Variants in EEA1 observed in about 807,000 individuals in gnomAD.
The protein encoded by EEA1 is early endosome antigen 1.
In EEA1, 111 loss-of-function variants were observed where a neutral mutation model predicts 209.2. The ratio of observed to expected loss-of-function variants is 0.53; its 90% CI spans 0.45 to 0.62. The LOEUF (loss-of-function observed/expected upper bound fraction) is 0.62. Among genes scored for constraint, EEA1 ranks in the 20% least tolerant of loss-of-function variants. EEA1 has a pLI of 0.00. For missense variants in EEA1, 1,343 were observed against 1,530.8 expected (o/e 0.88, Z 2.05); for synonymous variants, 536 against 540.6 (o/e 0.99, Z 0.12).
At position 92,799,100 on chromosome 12, in the gene EEA1, A is replaced by G; in HGVS notation, c.2773-14T>C. 6.4e-7 allele frequency: 1 copy of G among 1,563,290 alleles called. No individual in the cohort carries two copies. The highest frequency in any genetic ancestry group is 2.1e-5 in the Admixed American group (1 of 47,396). Reference sequence around the variant, plus strand: ...CTGATGAGAAGCCTGAAAGAAAAAAAAAATCTATTTAGCCTTCATTTGTTC... The same window carrying G: ...CTGATGAGAAGCCTGAAAGAAAAAAGAAATCTATTTAGCCTTCATTTGTTC... On this transcript the variant is annotated splice_polypyrimidine_tract_variant and intron_variant, in intron 20 of 28. Transcript: ENST00000322349.
chr12:92,782,324 A>C (rs1188484732), intron 22 of EEA1, among the ~76,000 whole-genome samples, 189 bp from the exon 23 acceptor site: 1 of 152,222 alleles, frequency 6.6e-6, no homozygotes, highest in Non-Finnish European at 1.5e-5. Context: ...AAACATTTAT[A>C]ATATAAAATA....
intron 20 of EEA1, 78 bp from the exon 21 acceptor site, chr12:92,799,164 T>A: frequency 8.1e-7 from 1 of 1,227,218 alleles, no homozygotes; most frequent in East Asian, 2.7e-5. Flanking sequence ...GAAAAAAAAA[T>A]CTATTTAGCC....
chr12:92,855,839 C>CAGT (rs145341612), intron 5 of EEA1, among the ~76,000 whole-genome samples: 1 of 152,256 alleles, frequency 6.6e-6, no homozygotes, highest in East Asian at 1.9e-4. Flanking sequence ...ATCTCAAATG[C>CAGT]AGTAAACAAT....
At position 92,855,937 on chromosome 12, in the gene EEA1, T is replaced by G. The variant is rs534143024; in HGVS notation, c.366+1338A>C. 1.0e-3 allele frequency among the ~76,000 whole-genome samples: 155 copies of G among 152,266 alleles called. 1 individual carries two copies. The highest frequency in any genetic ancestry group is 3.4e-3 in the African/African-American group (142 of 41,546). On this transcript the variant is annotated intron_variant, in intron 5 of 28. Transcript: ENST00000322349. Reference sequence around the variant, plus strand: ...TCTATATAAAACATGAGTAAATGAGTTATAAGTAATTTGGATTACTAAAAA... The same window carrying G: ...TCTATATAAAACATGAGTAAATGAGGTATAAGTAATTTGGATTACTAAAAA...
At chr12:92,861,616 C>T (rs906835873) in intron 3 of EEA1, among the ~76,000 whole-genome samples, 13 of 151,924 alleles carry the variant, frequency 8.6e-5, no homozygotes, top group Admixed American at 6.6e-4. Flanking sequence ...TAGTCATCAA[C>T]CAAAGAATGA....
At chr12:92,802,224 C>G (rs906074904) in intron 19 of EEA1, among the ~76,000 whole-genome samples, 180 bp downstream of exon 19, 1 of 152,038 alleles carries the variant, frequency 6.6e-6, no homozygotes, top group African/African-American at 2.4e-5. Flanking sequence ...GGTGCATACA[C>G]ACACATTATT....
intron 10 of EEA1, among the ~76,000 whole-genome samples, chr12:92,833,920 C>T (rs750418552): frequency 1.3e-4 from 20 of 152,008 alleles, no homozygotes; most frequent in Non-Finnish European, 2.5e-4. Flanking sequence ...TCAAGGGGAG[C>T]TAGCTAGTTA....
At chr12:92,880,313 G>GT (rs925144595) in intron 2 of EEA1, among the ~76,000 whole-genome samples, 32 of 151,010 alleles carry the variant, frequency 2.1e-4, no homozygotes, top group South Asian at 6.3e-4. Flanking sequence ...CAATGTTTTT[G>GT]TTTTTTTTTG....
chr12:92,914,704 C>T (rs370495919), intron 1 of EEA1, among the ~76,000 whole-genome samples: 1 of 150,846 alleles, frequency 6.6e-6, no homozygotes, highest in East Asian at 2.0e-4. Context: ...CGCTCTGTAA[C>T]CCAGGCTGGA....
chr12:92,870,338 T>C (rs996119104), intron 2 of EEA1, among the ~76,000 whole-genome samples: 1 of 152,242 alleles, frequency 6.6e-6, no homozygotes, highest in Non-Finnish European at 1.5e-5. Context: ...CTATGTTTCC[T>C]TTGTTTTTGG....
At chr12:92,918,977 A>T (rs2136785074) in intron 1 of EEA1, among the ~76,000 whole-genome samples, 1 of 132,826 alleles carries the variant, frequency 7.5e-6, no homozygotes, top group East Asian at 2.1e-4. Context: ...CCTCTACGCA[A>T]ATAAACTAGA....
At chr12:92,858,439 G>A in intron 3 of EEA1, 2 of 1,230,206 alleles carry the variant, frequency 1.6e-6, no homozygotes, top group South Asian at 1.2e-5. Flanking sequence ...ATTTCTGAAG[G>A]TGTTCATCTT....
chr12:92,834,740 T>C (rs1472691864), intron 10 of EEA1, among the ~76,000 whole-genome samples: 1 of 152,154 alleles, frequency 6.6e-6, no homozygotes, highest in East Asian at 1.9e-4. Flanking sequence ...GATTCAACTA[T>C]GTTAGAAAAA....
At position 92,832,978 on chromosome 12, in the gene EEA1, G is replaced by A. The variant is rs112137813; in HGVS notation, c.916-128C>T. 6.2e-3 allele frequency: 4,085 copies of A among 655,914 alleles called. 124 individuals are homozygous for A. In the African/African-American group the frequency reaches 0.063, roughly 10 times the overall value. 40.6% of individuals were successfully genotyped at this position (655,914 alleles called of 1,614,324 possible). On this transcript the variant is annotated intron_variant, in intron 10 of 28. Transcript: ENST00000322349. ...AGTCAATATTAAAATATAAAACAGT[G>A]ACAATGTTCTAGTCAAGAATTAAAT...
At chr12:92,896,544 G>C (rs1176033373) in intron 1 of EEA1, among the ~76,000 whole-genome samples, 1 of 152,184 alleles carries the variant, frequency 6.6e-6, no homozygotes, top group Non-Finnish European at 1.5e-5. Flanking sequence ...ATGAAAAGAA[G>C]AGTTAATCAA....
Position 92,835,400 on chromosome 12 carries a change from CTTTTTTTTTTTT to C in EEA1, c.916-2562_916-2551del, listed in dbSNP as rs140302130. The C allele has an allele frequency of 4.0e-4, 61 of 154,398 alleles. No homozygotes were observed. The East Asian group carries it at 5.6e-3, about 14-fold the overall frequency. 9.6% of individuals were successfully genotyped at this position (154,398 alleles called of 1,614,324 possible). ...ATACACCCTTGAGATAGTTTCACTC[CTTTTTTTTTTTT>C]TTTTTTTTTTTTTTTTTGAGATGGA... On this transcript the variant is annotated intron_variant, in intron 10 of 28. Coordinates refer to ENST00000322349, the MANE Select transcript of EEA1 (RefSeq NM_003566.4).
At chr12:92,897,217 C>G (rs1009891119) in intron 1 of EEA1, among the ~76,000 whole-genome samples, 1 of 152,194 alleles carries the variant, frequency 6.6e-6, no homozygotes, top group African/African-American at 2.4e-5. Flanking sequence ...TTCCTTTGAC[C>G]TTTTCTGCAC....
At chr12:92,778,937 A>T (rs1873780040) in intron 25 of EEA1, among the ~76,000 whole-genome samples, 178 bp downstream of exon 25, 1 of 152,110 alleles carries the variant, frequency 6.6e-6, no homozygotes, top group African/African-American at 2.4e-5. Flanking sequence ...TTATGGTTAC[A>T]GGGTAAAATA....
In EEA1 at chr12:92,832,709, A is replaced by G. The variant is rs1296088131; in HGVS notation, c.1057T>C (p.Leu353=). The change falls in exon 11 of 29, where the codon TTG becomes CTG. Residue 353 remains leucine, a synonymous_variant. Transcript: ENST00000322349. The part of the protein sequence containing the change: ...DLDCQQLQSR[L]SASETSLHRI... ...TGCAGTGAGGTTTCAGATGCAGACA[A>G]TCTTGACTGAAGCTGTTGACAATCT... is the stretch of plus-strand genomic sequence containing the variant. 2 of 1,614,034 alleles carry G rather than the reference A, an allele frequency of 1.2e-6. No individual in the cohort carries two copies. The highest frequency in any genetic ancestry group is 2.2e-5 in the East Asian group (1 of 44,838).
Sources: gnomAD v4.1 joint callset for allele counts (sites outside exome capture counted in the v4.1 genomes callset) on GRCh38, gnomAD v4.1.1 for gene constraint, MANE v1.5 for transcripts, NCBI Gene and HGNC (gene_info 2026-07-23, HGNC 2026-07-21) for gene names.